The following SMARCD2 variants were observed in gnomAD, a reference collection of about 807,000 sequenced individuals.
The protein encoded by SMARCD2 is SWI/SNF related BAF chromatin remodeling complex subunit D2, also known as SWI/SNF-related matrix-associated actin-dependent regulator of chromatin subfamily D member 2.
Under a neutral mutation model 70.4 loss-of-function variants are expected in SMARCD2, and 39 were observed. The observed-to-expected ratio is 0.55, with a 90% CI of 0.43 to 0.72. The LOEUF is 0.72. Among genes scored for constraint, SMARCD2 ranks in the 30% least tolerant of loss-of-function variants. The probability of loss-of-function intolerance (pLI) is 0.00; values close to 1 mark genes in which losing one functional copy is unlikely to be tolerated. For synonymous variants in SMARCD2, 249 were observed against 279.4 expected (o/e 0.89, Z 1.08); for missense variants, 540 against 713.4 (o/e 0.76, Z 2.77).
chr17:63,837,344 A>C lies in SMARCD2; in HGVS notation c.401+97T>G. 1 of 1,506,074 alleles carries C rather than the reference A, an allele frequency of 6.6e-7. No individual in the cohort carries two copies. The highest frequency in any genetic ancestry group is 1.4e-5 in the African/African-American group (1 of 72,798). 93.3% of individuals were successfully genotyped at this position (1,506,074 alleles called of 1,614,324 possible). On this transcript the variant is annotated intron_variant, in intron 2 of 12. Transcript: ENST00000448276. The surrounding 1 kb of genome is among the most constrained non-coding windows in gnomAD (Gnocchi z 6.4). ...GACCCTCTCCCCCAGGAGAGCCTGGAGTCATCCTCAGTCACCAAAGCTCTT... is the reference window on the plus strand; with the variant it reads ...GACCCTCTCCCCCAGGAGAGCCTGGCGTCATCCTCAGTCACCAAAGCTCTT...
chr17:63,836,717 G>C, intron 4 of SMARCD2: 1 of 530,924 alleles, frequency 1.9e-6, no homozygotes, highest in Non-Finnish European at 3.4e-6. Context: ...GTACTACTGT[G>C]AAGTATTTTA....
At chr17:63,836,310 A>T (rs1430336474) in intron 4 of SMARCD2, among the ~76,000 whole-genome samples, 1 of 151,888 alleles carries the variant, frequency 6.6e-6, no homozygotes, top group African/African-American at 2.4e-5. Flanking sequence ...GGAGTTCGAG[A>T]CCAGCCTGGG....
At chr17:63,839,945 G>A (rs1056979362) in intron 1 of SMARCD2, among the ~76,000 whole-genome samples, 2 of 152,122 alleles carry the variant, frequency 1.3e-5, no homozygotes, top group Non-Finnish European at 2.9e-5. Context: ...TGGCCAAGAT[G>A]GTGAAACCTC....
Position 63,832,136 on chromosome 17 carries a change from C to T in SMARCD2, c.*802G>A, listed in dbSNP as rs2040198410. ...CCAAACCTGCCAGATGTGGCACTCGCCAAGCCCTAGGCCCACCCTCCTCAC... is the reference window on the plus strand; with the variant it reads ...CCAAACCTGCCAGATGTGGCACTCGTCAAGCCCTAGGCCCACCCTCCTCAC... On this transcript the variant is annotated 3_prime_UTR_variant, in exon 13 of 13. Transcript: ENST00000448276. 1.4e-6 allele frequency: 1 copy of T among 717,074 alleles called. No individual in the cohort carries two copies. Among genetic ancestry groups the T allele is most frequent in the Non-Finnish European group, 2.3e-6 (1 of 426,680 alleles). The allele number at this position is 717,074 out of a possible 1,614,324, so 44.4% of individuals were successfully genotyped here.
chr17:63,841,038 C>A (rs1348708674), intron 1 of SMARCD2, among the ~76,000 whole-genome samples: 2 of 152,228 alleles, frequency 1.3e-5, no homozygotes, highest in Non-Finnish European at 2.9e-5. Context: ...CAAAGGCCCA[C>A]AGATGGTGCC....
At chr17:63,840,541 A>G (rs1377997305) in intron 1 of SMARCD2, among the ~76,000 whole-genome samples, 1 of 151,798 alleles carries the variant, frequency 6.6e-6, no homozygotes, top group East Asian at 1.9e-4. Flanking sequence ...CACAGCTAGA[A>G]CCACCCTCTG....
At chr17:63,839,588 AACAAAC>A (rs1250105980) in intron 1 of SMARCD2, among the ~76,000 whole-genome samples, 11 of 80,802 alleles carry the variant, frequency 1.4e-4, no homozygotes, top group African/African-American at 5.6e-4. Flanking sequence ...AACAAAACAA[AACAAAC>A]AAAAAAAAAC....
At chr17:63,841,220 C>G (rs1383472905) in intron 1 of SMARCD2, among the ~76,000 whole-genome samples, 1 of 152,214 alleles carries the variant, frequency 6.6e-6, no homozygotes, top group East Asian at 1.9e-4. Flanking sequence ...ACTCTCTTTT[C>G]TCTTGAGAAA....
In SMARCD2 at chr17:63,835,081, C is replaced by G. The variant is rs1024441231; in HGVS notation, c.724-281G>C. ...TCCAACGGGCTTGGAGCAGCGCCCCCCTCCCTATGGCAGGACTTCTCTGGG... is the reference window on the plus strand; with the variant it reads ...TCCAACGGGCTTGGAGCAGCGCCCCGCTCCCTATGGCAGGACTTCTCTGGG... On this transcript the variant is annotated intron_variant, in intron 5 of 12. Transcript: ENST00000448276. 2.6e-5 allele frequency: 14 copies of G among 536,084 alleles called. 1 individual carries two copies. In the South Asian group the frequency reaches 2.9e-4, roughly 11 times the overall value. 33.2% of individuals were successfully genotyped at this position (536,084 alleles called of 1,614,324 possible). A position where few individuals can be genotyped will look rare whatever the true frequency, so the allele number is the denominator to read the frequency against.
At chr17:63,839,065 GTC>G (rs1683240153) in intron 1 of SMARCD2, 2 of 985,378 alleles carry the variant, frequency 2.0e-6, no homozygotes, top group Middle Eastern at 5.2e-4. Context: ...TCCTGCCAAA[GTC>G]TCTCTGCATC....
At position 63,833,861 on chromosome 17, in the gene SMARCD2, G is replaced by GT. The variant is rs1343086568; in HGVS notation, c.1181+47dup. 6.5e-7 allele frequency: 1 copy of GT among 1,544,052 alleles called. No individual in the cohort carries two copies. The highest frequency in any genetic ancestry group is 1.4e-5 in the African/African-American group (1 of 73,354). On this transcript the variant is annotated intron_variant, in intron 9 of 12. Coordinates refer to ENST00000448276, the MANE Select transcript of SMARCD2 (RefSeq NM_001098426.2). This position sits in a 1 kb window ranked among gnomAD's most constrained non-coding sequence, Gnocchi z 4.3. ...TCTTTGGCTTTAGTTCAAGCCAAGG[G>GT]TGAATCTGCTCTTAGAAGAGCCTTC...
Position 63,834,112 on chromosome 17 carries a change from C to G in SMARCD2, c.1083+55G>C. ...CTGCAGGCTGTGGCCAAGGAGTAGC[C>G]CAGCAGGCAAGGCAAAGCAAGGGCT... On this transcript the variant is annotated intron_variant, in intron 8 of 12. Coordinates refer to ENST00000448276, the MANE Select transcript of SMARCD2 (RefSeq NM_001098426.2). The surrounding 1 kb of genome is among the most constrained non-coding windows in gnomAD (Gnocchi z 5.6). 1 of 1,604,474 alleles carries G rather than the reference C, an allele frequency of 6.2e-7. No individual in the cohort carries two copies. Among genetic ancestry groups the G allele is most frequent in the South Asian group, 1.1e-5 (1 of 90,404 alleles).
intron 4 of SMARCD2, among the ~76,000 whole-genome samples, chr17:63,836,351 A>G (rs2040265415): frequency 6.6e-6 from 1 of 151,996 alleles, no homozygotes; most frequent in African/African-American, 2.4e-5. Flanking sequence ...TACAAAAATT[A>G]GCCGGGCGTG....
chr17:63,841,732 T>A (rs987952760), intron 1 of SMARCD2, among the ~76,000 whole-genome samples: 1 of 152,204 alleles, frequency 6.6e-6, no homozygotes, highest in Non-Finnish European at 1.5e-5. Flanking sequence ...AGGGCTCCAC[T>A]CTGCACGTCC....
At chr17:63,841,235 G>A (rs1436795880) in intron 1 of SMARCD2, among the ~76,000 whole-genome samples, 1 of 152,222 alleles carries the variant, frequency 6.6e-6, no homozygotes, top group Non-Finnish European at 1.5e-5. Context: ...GAGAAAGGAG[G>A]AAGAATGAGG....
In SMARCD2 at chr17:63,835,418, C is replaced by G; in HGVS notation, c.717G>C (p.Leu239=). The G allele has an allele frequency of 6.2e-7, 1 of 1,613,048 alleles. No individual in the cohort carries two copies. The highest frequency in any genetic ancestry group is 8.5e-7 in the Non-Finnish European group (1 of 1,179,334). The change falls in exon 5 of 13, where the codon CTG becomes CTC. Residue 239 remains leucine (L), a synonymous_variant. Coordinates refer to ENST00000448276, the MANE Select transcript of SMARCD2 (RefSeq NM_001098426.2). ...SWELRVEGKL[L]DDPSKQKRKF... is the part of the protein sequence containing the mutation. ...ACCTCCCTCCCCAACTCACATCATC[C>G]AGCAGTTTTCCTTCCACTCGGAGTT...
chr17:63,841,950 C>G (rs1904479760), intron 1 of SMARCD2, among the ~76,000 whole-genome samples: 1 of 152,208 alleles, frequency 6.6e-6, no homozygotes, highest in Non-Finnish European at 1.5e-5. Flanking sequence ...CTCAGCGTCC[C>G]GTGCCCGTGG....
chr17:63,837,444 C>T lies in SMARCD2; in HGVS notation c.398G>A (p.Arg133Gln), dbSNP rs1411242310. ...GAGAGAAGCAGGATGCTCTTACCCC[C>T]GGCGCTGGGCAGGCATGGGAGGCTG... ...QAQPPMPAQR[R>Q]GLKRRKMADK... Residue 133 changes from arginine to glutamine, a missense_variant, in exon 2 of 13, where the codon CGG becomes CAG. Physicochemically the swap from Arg to Gln is conservative, Grantham distance 43. Transcript: ENST00000448276. This position sits in a 1 kb window ranked among gnomAD's most constrained non-coding sequence, Gnocchi z 6.4. The T allele has an allele frequency of 4.5e-6, 7 of 1,571,606 alleles. No individual in the cohort carries two copies. The highest frequency in any genetic ancestry group is 2.4e-5 in the South Asian group (2 of 84,470).
At position 63,837,104 on chromosome 17, in the gene SMARCD2, C is replaced by T; in HGVS notation, c.445-60G>A. 1 of 1,612,784 alleles carries T rather than the reference C, an allele frequency of 6.2e-7. No homozygotes were observed. The highest frequency in any genetic ancestry group is 8.5e-7 in the Non-Finnish European group (1 of 1,178,946). On this transcript the variant is annotated intron_variant, in intron 3 of 12. Transcript: ENST00000448276. The surrounding 1 kb of genome is among the most constrained non-coding windows in gnomAD (Gnocchi z 6.4). ...TCAGCCAAAGCCTGGCTCTTTCCTCCCTTCCTGCTGCAGCCCAGCTTTGAG... is the reference window on the plus strand; with the variant it reads ...TCAGCCAAAGCCTGGCTCTTTCCTCTCTTCCTGCTGCAGCCCAGCTTTGAG...
Sources: allele counts gnomAD v4.1 joint callset (sites outside exome capture counted in the v4.1 genomes callset), GRCh38; gene constraint gnomAD v4.1.1; non-coding constraint Gnocchi (gnomAD v3.1); transcripts MANE v1.5; gene names NCBI Gene and HGNC (gene_info 2026-07-23, HGNC 2026-07-21).